Variants in NBN observed in about 807,000 individuals in gnomAD.
NBN encodes the protein Nijmegen breakage syndrome 1 (nibrin).
NBN carries 88 observed loss-of-function variants against 90.8 expected under a neutral mutation model. That is an observed-to-expected ratio of 0.97 (90% CI 0.82 to 1.16). The LOEUF is 1.16. Among genes scored for constraint, NBN ranks in the 50% most tolerant of loss-of-function variants. NBN has a pLI of 0.00. For missense variants in NBN, 894 were observed against 869.6 expected (o/e 1.03, Z -0.35); for synonymous variants, 328 against 295.1 (o/e 1.11, Z -1.14).
At chr8:89,967,349 G>T (rs1378231799) in intron 7 of NBN, among the ~76,000 whole-genome samples, 2 of 152,190 alleles carry the variant, frequency 1.3e-5, no homozygotes, top group Non-Finnish European at 2.9e-5. Flanking sequence ...CTGGATTCTG[G>T]ATGACAGTTA....
intron 8 of NBN, among the ~76,000 whole-genome samples, chr8:89,961,500 G>A (rs1287629753): frequency 6.6e-6 from 1 of 152,168 alleles, no homozygotes; most frequent in African/African-American, 2.4e-5. Flanking sequence ...TGGAGGAGTT[G>A]GGAGTGAAAA....
Position 89,963,036 on chromosome 8 carries a change from C to T in NBN, c.994+1374G>A, listed in dbSNP as rs35895306. Reference sequence around the variant, plus strand: ...TCTACGAAAAGTAGATGATGCTCTTCCCTCTATCTTATAAGGACTGTTTTG... The same window carrying T: ...TCTACGAAAAGTAGATGATGCTCTTTCCTCTATCTTATAAGGACTGTTTTG... On this transcript the variant is annotated intron_variant, in intron 8 of 15. Transcript: ENST00000265433. 7.6e-3 allele frequency among the ~76,000 whole-genome samples: 1,160 copies of T among 152,288 alleles called. 16 individuals carry two copies. The highest frequency in any genetic ancestry group is 0.027 in the African/African-American group (1,118 of 41,540).
intron 3 of NBN, 132 bp from the exon 4 acceptor site, chr8:89,981,025 C>T: frequency 1.2e-6 from 1 of 807,446 alleles, no homozygotes; most frequent in South Asian, 1.6e-5. Context: ...CCCTTTGTAA[C>T]CTATGAAATT....
intron 14 of NBN, among the ~76,000 whole-genome samples, chr8:89,942,183 C>A (rs182560781): frequency 1.3e-5 from 2 of 152,088 alleles, no homozygotes; most frequent in African/African-American, 4.8e-5. Flanking sequence ...AAGAAACTTG[C>A]CCATCTTCAT....
chr8:89,955,700 C>G, intron 9 of NBN, 145 bp from the exon 10 acceptor site: 1 of 960,814 alleles, frequency 1.0e-6, no homozygotes, highest in Non-Finnish European at 1.5e-6. Context: ...ATTTTACCAT[C>G]CCAAGAAAGC....
intron 14 of NBN, among the ~76,000 whole-genome samples, chr8:89,937,627 GTC>G (rs1809753820): frequency 6.6e-6 from 1 of 152,174 alleles, no homozygotes; most frequent in Non-Finnish European, 1.5e-5. Flanking sequence ...TCTTCCTAAA[GTC>G]TAGCTATGCC....
At chr8:89,979,732 A>T (rs920068631) in intron 4 of NBN, among the ~76,000 whole-genome samples, 2 of 152,180 alleles carry the variant, frequency 1.3e-5, no homozygotes, top group African/African-American at 4.8e-5. Flanking sequence ...ATTACTCTGT[A>T]AACCACGTTG....
intron 1 of NBN, chr8:89,984,295 C>T: frequency 1.6e-6 from 1 of 611,474 alleles, no homozygotes; most frequent in East Asian, 2.9e-5. Flanking sequence ...GGAGGACTGC[C>T]ACCAGGGGGC....
At chr8:89,963,073 T>A (rs34286018) in intron 8 of NBN, among the ~76,000 whole-genome samples, 1 of 152,144 alleles carries the variant, frequency 6.6e-6, no homozygotes, top group Non-Finnish European at 1.5e-5. Flanking sequence ...AGATTAAAGT[T>A]TGATGATGGT....
chr8:89,942,525 T>C (rs990929775), intron 14 of NBN, among the ~76,000 whole-genome samples: 21 of 151,942 alleles, frequency 1.4e-4, no homozygotes, highest in African/African-American at 3.9e-4. Context: ...AGAAAACAGA[T>C]CAAACATTTT....
In NBN at chr8:89,984,579, G is replaced by A. The variant is rs780658881; in HGVS notation, c.-18C>T. 1.9e-6 allele frequency: 3 copies of A among 1,612,566 alleles called. No homozygotes were observed. Among genetic ancestry groups the A allele is most frequent in the Non-Finnish European group, 2.5e-6 (3 of 1,179,620 alleles). ...TTCCACATCGGTCCGGCTCCTCAGG[G>A]CTGGGGCCGACGTGCAACCGCGTAA... On this transcript the variant is annotated 5_prime_UTR_variant, in exon 1 of 16. Coordinates refer to ENST00000265433, the MANE Select transcript of NBN (RefSeq NM_002485.5).
intron 5 of NBN, among the ~76,000 whole-genome samples, chr8:89,972,744 A>G (rs1017063834): frequency 6.6e-6 from 1 of 152,222 alleles, no homozygotes; most frequent in Non-Finnish European, 1.5e-5. Flanking sequence ...AGTTCACACA[A>G]TAATGTAACA....
intron 11 of NBN, 37 bp from the exon 12 acceptor site, chr8:89,947,929 T>A: frequency 8.0e-7 from 1 of 1,248,196 alleles, no homozygotes; most frequent in Non-Finnish European, 1.1e-6. Flanking sequence ...TTCATAGGAG[T>A]AATAAAATGG....
At chr8:89,981,732 C>A in intron 2 of NBN, 1 of 583,590 alleles carries the variant, frequency 1.7e-6, no homozygotes, top group Non-Finnish European at 3.0e-6. Context: ...CAGGAATACC[C>A]CTCCTAGAAC....
In NBN at chr8:89,947,747, T is replaced by G. The variant is rs1477422958; in HGVS notation, c.1914+77A>C. ...TAGGAAAGAGAAATAATCCTAAGAA[T>G]GTAAAATCACAAAAATTGATGAGAT... On this transcript the variant is annotated intron_variant, in intron 12 of 15. Transcript: ENST00000265433. The G allele has an allele frequency of 7.4e-6, 6 of 806,198 alleles. No homozygotes were observed. The African/African-American group carries it at 1.0e-4, about 14-fold the overall frequency. 49.9% of individuals were successfully genotyped at this position (806,198 alleles called of 1,614,324 possible). A position where few individuals can be genotyped will look rare whatever the true frequency, so the allele number is the denominator to read the frequency against.
chr8:89,938,302 T>A (rs1171059547), intron 14 of NBN, among the ~76,000 whole-genome samples: 3 of 152,204 alleles, frequency 2.0e-5, no homozygotes, highest in African/African-American at 7.2e-5. Context: ...CATGTTGTTT[T>A]GTTGTAATAA....
chr8:89,939,698 T>C lies in NBN; in HGVS notation c.2185-2623A>G, dbSNP rs869312606. 6.6e-6 allele frequency among the ~76,000 whole-genome samples: 1 copy of C among 152,082 alleles called. No homozygotes were observed. The highest frequency in any genetic ancestry group is 1.5e-5 in the Non-Finnish European group (1 of 68,016). ...GAGGATTCTTACTAATGCCCCAAAT[T>C]TGGGGAAAAGGTAACCTGAACAGGG... On this transcript the variant is annotated intron_variant, in intron 14 of 15. Coordinates refer to ENST00000265433, the MANE Select transcript of NBN (RefSeq NM_002485.5).
intron 6 of NBN, 51 bp downstream of exon 6, chr8:89,971,122 T>A (rs767041787): frequency 8.4e-6 from 13 of 1,541,808 alleles, no homozygotes; most frequent in Non-Finnish European, 1.1e-5. Flanking sequence ...TAATAATGTA[T>A]CCTAGTTTGT....
intron 11 of NBN, 41 bp from the exon 12 acceptor site, chr8:89,947,933 A>G (rs1368399315): frequency 8.2e-6 from 10 of 1,217,222 alleles, no homozygotes; most frequent in Non-Finnish European, 1.2e-5. Context: ...TAGGAGTAAT[A>G]AAATGGTATG....
Sources: allele counts gnomAD v4.1 joint callset (sites outside exome capture counted in the v4.1 genomes callset), GRCh38; gene constraint gnomAD v4.1.1; transcripts MANE v1.5; gene names NCBI Gene and HGNC (gene_info 2026-07-23, HGNC 2026-07-21).